Variants in IRS1 observed in about 807,000 individuals in gnomAD.
The protein encoded by IRS1 is insulin receptor substrate 1.
Under a neutral mutation model 65.6 loss-of-function variants are expected in IRS1, and 34 were observed. The ratio of observed to expected loss-of-function variants is 0.52; its 90% CI spans 0.39 to 0.69. The LOEUF (loss-of-function observed/expected upper bound fraction) is 0.69. IRS1 is among the 30% of genes least tolerant of loss of function. The pLI, the probability that IRS1 is intolerant of heterozygous loss-of-function variation, is 0.00. For missense variants in IRS1, 1,641 were observed against 1,720.2 expected (o/e 0.95, Z 0.81); for synonymous variants, 699 against 683.5 (o/e 1.02, Z -0.35).
At chr2:226,738,125 G>T (rs796973607) in intron 1 of IRS1, among the ~76,000 whole-genome samples, 1 of 152,216 alleles carries the variant, frequency 6.6e-6, no homozygotes, top group Non-Finnish European at 1.5e-5. Flanking sequence ...ACAAGGACAT[G>T]CTACATTGAC....
rs1337654043 is a variant in IRS1 at position 226,797,952 on chromosome 2, C to G, written c.787G>C (p.Glu263Gln). Residue 263 changes from glutamate (E) to glutamine (Q), a missense_variant, in exon 1 of 2, where the codon GAG (glutamate) becomes CAG (glutamine). By Grantham distance (29) the Glu-to-Gln change is conservative. This residue lies in a region of IRS1 where 1,324 missense variants were observed against 1,361.0 expected (regional missense o/e 0.97). Transcript: ENST00000305123. The surrounding 1 kb of genome is among the most constrained non-coding windows in gnomAD (Gnocchi z 8.1). The stretch of plus-strand genomic sequence containing the variant: ...TGGCTCTTGCTGCGAGGGCGGAACT[C>G]ATCACTCATGGCCCGCATGGCCTCC... ...ILEAMRAMSD[E>Q]FRPRSKSQSS... The G allele has an allele frequency of 1.2e-6, 2 of 1,614,008 alleles. No homozygotes were observed. The highest frequency in any genetic ancestry group is 3.3e-5 in the Admixed American group (2 of 60,012).
chr2:226,796,633 C>G lies in IRS1; in HGVS notation c.2106G>C (p.Gly702=). The change falls in exon 1 of 2, where the codon GGG becomes GGC. Residue 702 remains glycine (G), a synonymous_variant. Coordinates refer to ENST00000305123, the MANE Select transcript of IRS1 (RefSeq NM_005544.3). The part of the protein sequence containing the change: ...GTSYGKLWTN[G]VGGHHSHVLP... ...AGACATGAGAGTGGTGGCCCCCTAC[C>G]CCGTTTGTCCACAGCTTTCCATAGC... The G allele has an allele frequency of 6.2e-7, 1 of 1,613,974 alleles. No homozygotes were observed. Among genetic ancestry groups the G allele is most frequent in the Non-Finnish European group, 8.5e-7 (1 of 1,179,904 alleles).
Position 226,799,365 on chromosome 2 carries a change from TTGCTGCTGC to T in IRS1, c.-636_-628del, listed in dbSNP as rs769109350. On this transcript the variant is annotated 5_prime_UTR_variant, in exon 1 of 2. Transcript: ENST00000305123. This position sits in a 1 kb window ranked among gnomAD's most constrained non-coding sequence, Gnocchi z 6.1. ...GACCGCGGCGCTGCGGCTGTTGCTG[TTGCTGCTGC>T]TGCTGCTGCTGCTGCTGCCGCCGCC... The T allele has an allele frequency of 5.4e-5, 67 of 1,239,800 alleles. No homozygotes were observed. The highest frequency in any genetic ancestry group is 1.3e-4 in the Admixed American group (5 of 38,664). The allele number at this position is 1,239,800 out of a possible 1,614,324, so 76.8% of individuals were successfully genotyped here. A position where few individuals can be genotyped will look rare whatever the true frequency, so the allele number is the denominator to read the frequency against.
chr2:226,796,679 T>TTTCTGCTGC lies in IRS1; in HGVS notation c.2059_2060insGCAGCAGAA (p.Ser686_Asn687insSerSerArg). On this transcript the variant is annotated inframe_insertion, in exon 1 of 2. Transcript: ENST00000305123. The stretch of plus-strand genomic sequence containing the variant: ...ATAGCTGGTCCCGGAAGGGACGGCG[T>TTTCTGCTGC]TGCTGCTGCTGCTGCTGCTGCTGGG... The TTTCTGCTGC allele has an allele frequency of 9.3e-6, 15 of 1,610,520 alleles. No individual in the cohort carries two copies. Among genetic ancestry groups the TTTCTGCTGC allele is most frequent in the Non-Finnish European group, 1.3e-5 (15 of 1,178,056 alleles).
intron 1 of IRS1, among the ~76,000 whole-genome samples, chr2:226,786,799 A>C (rs1172036845): frequency 6.6e-6 from 1 of 151,718 alleles, no homozygotes; most frequent in Non-Finnish European, 1.5e-5. Flanking sequence ...AAAAAAAAAA[A>C]AAACTTTTAA....
chr2:226,786,672 A>C (rs1939493350), intron 1 of IRS1, among the ~76,000 whole-genome samples: 2 of 151,462 alleles, frequency 1.3e-5, no homozygotes, highest in Admixed American at 1.3e-4. Context: ...AACAACAAAA[A>C]AAAACCAAAA....
chr2:226,778,159 G>A (rs1202624938), intron 1 of IRS1, among the ~76,000 whole-genome samples: 2 of 151,676 alleles, frequency 1.3e-5, no homozygotes, highest in African/African-American at 2.4e-5. Flanking sequence ...TTTTAAATTT[G>A]TTTTTAGAAC....
chr2:226,799,582 TG>T lies in IRS1; in HGVS notation c.-845del, dbSNP rs1939848748. 9.7e-7 allele frequency: 1 copy of T among 1,025,756 alleles called. No individual in the cohort carries two copies. The highest frequency in any genetic ancestry group is 1.7e-5 in the African/African-American group (1 of 57,262). The allele number at this position is 1,025,756 out of a possible 1,614,324, so 63.5% of individuals were successfully genotyped here. A position where few individuals can be genotyped will look rare whatever the true frequency, so the allele number is the denominator to read the frequency against. ...GGGAGGGGACAAGGGCGAGAGGGGATGGGGGAGGTTTGGGAAGGGTTCGGGG... is the reference window on the plus strand; with the variant it reads ...GGGAGGGGACAAGGGCGAGAGGGGATGGGGAGGTTTGGGAAGGGTTCGGGG... On this transcript the variant is annotated 5_prime_UTR_variant, in exon 1 of 2. Transcript: ENST00000305123. The surrounding 1 kb of genome is among the most constrained non-coding windows in gnomAD (Gnocchi z 6.1).
At chr2:226,758,092 T>C (rs573843477) in intron 1 of IRS1, among the ~76,000 whole-genome samples, 7 of 152,274 alleles carry the variant, frequency 4.6e-5, no homozygotes, top group African/African-American at 1.7e-4. Flanking sequence ...GACAAAAAAA[T>C]GGATTAAAAA....
At chr2:226,774,056 A>C (rs903858368) in intron 1 of IRS1, among the ~76,000 whole-genome samples, 12 of 152,196 alleles carry the variant, frequency 7.9e-5, no homozygotes, top group Admixed American at 6.5e-5. Context: ...CTGTTCCTAC[A>C]CTACAGACCA....
intron 1 of IRS1, among the ~76,000 whole-genome samples, chr2:226,751,314 C>T (rs1172744177): frequency 1.7e-5 from 2 of 117,012 alleles, no homozygotes; most frequent in Non-Finnish European, 3.2e-5. Flanking sequence ...GACAGAGTCT[C>T]GCTTTGTCGC....
intron 1 of IRS1, among the ~76,000 whole-genome samples, chr2:226,750,185 G>T (rs763370149): frequency 5.3e-5 from 8 of 150,408 alleles, no homozygotes; most frequent in Non-Finnish European, 8.8e-5. Context: ...GGAGGCGGAG[G>T]TTGCAGTGAG....
At chr2:226,768,737 A>T (rs1264675921) in intron 1 of IRS1, among the ~76,000 whole-genome samples, 1 of 152,140 alleles carries the variant, frequency 6.6e-6, no homozygotes, top group East Asian at 1.9e-4. Context: ...CCTGGGCTCA[A>T]GCAATTCTCC....
In IRS1 at chr2:226,795,781, C is replaced by G; in HGVS notation, c.2958G>C (p.Arg986=). The change falls in exon 1 of 2, where the codon CGG becomes CGC. Residue 986 remains arginine (R), a synonymous_variant. Transcript: ENST00000305123. ...TCATCTGCATGGTCATGTAGTCACC[C>G]CGGCTGCTGGGCACTGCCCGGGTAG... The part of the protein sequence containing the change: ...CRPTRAVPSS[R]GDYMTMQMSC... 6.2e-7 allele frequency: 1 copy of G among 1,613,304 alleles called. No individual in the cohort carries two copies. Among genetic ancestry groups the G allele is most frequent in the Non-Finnish European group, 8.5e-7 (1 of 1,179,968 alleles).
intron 1 of IRS1, among the ~76,000 whole-genome samples, chr2:226,764,603 A>G (rs1938991636): frequency 6.6e-6 from 1 of 152,222 alleles, no homozygotes; most frequent in South Asian, 2.1e-4. Context: ...AAAGTATCTC[A>G]AAGCCTGACA....
chr2:226,784,929 G>A (rs1210187268), intron 1 of IRS1, among the ~76,000 whole-genome samples: 1 of 152,172 alleles, frequency 6.6e-6, no homozygotes, highest in Admixed American at 6.5e-5. Context: ...AGGAGACAGG[G>A]TAGATTCTCC....
In IRS1 at chr2:226,799,052, A is replaced by C. The variant is rs1939831488; in HGVS notation, c.-314T>G. 19 of 1,335,524 alleles carry C rather than the reference A, an allele frequency of 1.4e-5. No individual in the cohort carries two copies. The South Asian group carries it at 3.0e-4, about 21-fold the overall frequency. 82.7% of individuals were successfully genotyped at this position (1,335,524 alleles called of 1,614,324 possible). ...CCTCTCAGCCGCCGCCGCCACCAGG[A>C]AGGAGCGAAGATGCATCTCTCGTCG... On this transcript the variant is annotated 5_prime_UTR_variant, in exon 1 of 2. Transcript: ENST00000305123. This position sits in a 1 kb window ranked among gnomAD's most constrained non-coding sequence, Gnocchi z 6.1.
At position 226,795,101 on chromosome 2, in the gene IRS1, C is replaced by A; in HGVS notation, c.3638G>T (p.Ser1213Ile). 3 of 1,234,318 alleles carry A rather than the reference C, an allele frequency of 2.4e-6. No homozygotes were observed. The highest frequency in any genetic ancestry group is 3.4e-6 in the Non-Finnish European group (3 of 895,208). The allele number at this position is 1,234,318 out of a possible 1,614,324, so 76.5% of individuals were successfully genotyped here. ...GCGGCGGGTGGAGCTGCTCTCACCG[C>A]TGCCCAGGGGTTGATGAGGGGGTGG... is the stretch of plus-strand genomic sequence containing the variant. ...PPPPPHQPLG[S>I]GESSSTRRSS... The change falls in exon 1 of 2, where the codon AGC becomes ATC. Residue 1213 changes from serine (S) to isoleucine (I), a missense_variant. Ser to Ile is a moderately radical substitution (Grantham distance 142). This residue lies in a region of IRS1 where 1,324 missense variants were observed against 1,361.0 expected (regional missense o/e 0.97). Transcript: ENST00000305123.
chr2:226,754,308 T>G (rs1362157130), intron 1 of IRS1, among the ~76,000 whole-genome samples: 2 of 152,222 alleles, frequency 1.3e-5, no homozygotes, highest in African/African-American at 4.8e-5. Context: ...CAGTAAACCA[T>G]TCCTGGAGTG....
Sources: allele counts gnomAD v4.1 joint callset (sites outside exome capture counted in the v4.1 genomes callset), GRCh38; gene constraint gnomAD v4.1.1; regional missense constraint gnomAD v4.1.1; non-coding constraint Gnocchi (gnomAD v3.1); transcripts MANE v1.5; gene names NCBI Gene and HGNC (gene_info 2026-07-23, HGNC 2026-07-21).